ATP2B2: variants seen among roughly 807,000 people sequenced by gnomAD.
ATP2B2 encodes the protein ATPase plasma membrane Ca2+ transporting 2.
ATP2B2 carries 15 observed loss-of-function variants against 120.0 expected under a neutral mutation model. The ratio of observed to expected loss-of-function variants is 0.12; its 90% CI spans 0.08 to 0.19. The LOEUF is 0.19. Ranked by LOEUF, ATP2B2 falls within the 10% of genes least tolerant of loss-of-function variation. The probability of loss-of-function intolerance (pLI) is 1.00; values close to 1 mark genes in which losing one functional copy is unlikely to be tolerated. For synonymous variants in ATP2B2, 694 were observed against 700.3 expected, an observed-to-expected ratio of 0.99 and a Z score of 0.14; for missense variants, 1,045 against 1,719.8, an observed-to-expected ratio of 0.61 and a Z score of 6.94.
chr3:10,428,734 T>G (rs1291902659), intron 2 of ATP2B2, among the ~76,000 whole-genome samples: 1 of 152,192 alleles, frequency 6.6e-6, no homozygotes, highest in Non-Finnish European at 1.5e-5. Context: ...GACAGAGCAC[T>G]GTGTGAGGAG....
intron 1 of ATP2B2, among the ~76,000 whole-genome samples, chr3:10,683,760 GTA>G (rs71055831): frequency 0.052 from 2,782 of 53,446 alleles, 61 homozygotes; most frequent in East Asian, 0.093. Flanking sequence ...GTGTGTGTGT[GTA>G]TATATATATA....
chr3:10,646,127 T>C (rs1013716618), intron 1 of ATP2B2, among the ~76,000 whole-genome samples: 3 of 152,198 alleles, frequency 2.0e-5, no homozygotes, highest in African/African-American at 7.2e-5. Flanking sequence ...TTCTGGCCGA[T>C]ATCAATGTTT....
At position 10,361,586 on chromosome 3, in the gene ATP2B2, T is replaced by A. The variant is rs538501358; in HGVS notation, c.1660-1463A>T. Reference sequence around the variant, plus strand: ...GGAGACTCCCAGAACACCAGCTGCATCTCCCCAGCACCTGTCACTTCCTCA... The same window carrying A: ...GGAGACTCCCAGAACACCAGCTGCAACTCCCCAGCACCTGTCACTTCCTCA... On this transcript the variant is annotated intron_variant, in intron 12 of 22. Coordinates refer to ENST00000360273, the MANE Select transcript of ATP2B2 (RefSeq NM_001001331.4). 3.3e-5 allele frequency among the ~76,000 whole-genome samples: 5 copies of A among 152,300 alleles called. 1 individual carries two copies. The highest frequency in any genetic ancestry group is 1.2e-4 in the African/African-American group (5 of 41,570).
intron 1 of ATP2B2, among the ~76,000 whole-genome samples, chr3:10,486,630 C>A (rs1434619148): frequency 6.6e-6 from 1 of 152,138 alleles, no homozygotes; most frequent in Non-Finnish European, 1.5e-5. Context: ...TAGCAAGGTC[C>A]TCCCTGACCA....
intron 1 of ATP2B2, among the ~76,000 whole-genome samples, chr3:10,493,854 AC>A (rs1339120733): frequency 6.6e-6 from 1 of 152,046 alleles, no homozygotes; most frequent in African/African-American, 2.4e-5. Flanking sequence ...GAAGGGGGAG[AC>A]CCTTAGGTGG....
intron 1 of ATP2B2, among the ~76,000 whole-genome samples, chr3:10,476,457 A>G (rs1575348047): frequency 6.6e-6 from 1 of 152,378 alleles, no homozygotes; most frequent in South Asian, 2.1e-4. Context: ...CCCAGAAAGC[A>G]TGGGAACAAC....
chr3:10,701,094 T>G (rs1000750413), intron 1 of ATP2B2, among the ~76,000 whole-genome samples: 1 of 151,998 alleles, frequency 6.6e-6, no homozygotes, highest in Non-Finnish European at 1.5e-5. Context: ...ATTAGTACAC[T>G]AAAAAGAAGA....
intron 1 of ATP2B2, among the ~76,000 whole-genome samples, chr3:10,451,151 T>A (rs577221598): frequency 2.0e-4 from 30 of 152,306 alleles, no homozygotes; most frequent in African/African-American, 6.7e-4. Flanking sequence ...AAAGCACTCT[T>A]CCAGAGCCGC....
chr3:10,396,851 A>AG (rs1005905960), intron 5 of ATP2B2, among the ~76,000 whole-genome samples: 1 of 149,822 alleles, frequency 6.7e-6, no homozygotes, highest in Non-Finnish European at 1.5e-5. Context: ...ATAATCAGAA[A>AG]GGGGGGGAAG....
intron 2 of ATP2B2, among the ~76,000 whole-genome samples, chr3:10,577,902 C>T (rs893700668): frequency 2.0e-5 from 3 of 152,198 alleles, no homozygotes; most frequent in Admixed American, 1.3e-4. Context: ...CCATCCACTT[C>T]CTGTGCAGAA....
At chr3:10,436,983 G>T (rs1460947372) in intron 2 of ATP2B2, among the ~76,000 whole-genome samples, 4 of 152,164 alleles carry the variant, frequency 2.6e-5, no homozygotes, top group Non-Finnish European at 5.9e-5. Context: ...ACGTGGCTTT[G>T]CATTCTCTGT....
chr3:10,376,904 C>T (rs2061396467), intron 10 of ATP2B2, among the ~76,000 whole-genome samples: 1 of 152,118 alleles, frequency 6.6e-6, no homozygotes, highest in South Asian at 2.1e-4. Flanking sequence ...TCGGGAGAGG[C>T]TGGGAGTTCT....
intron 3 of ATP2B2, among the ~76,000 whole-genome samples, chr3:10,524,078 C>T (rs865995389): frequency 2.6e-5 from 4 of 152,152 alleles, no homozygotes; most frequent in South Asian, 2.1e-4. Context: ...TGGCTGGAGG[C>T]GGATGAGGCC....
At chr3:10,369,030 C>A (rs2061150667) in intron 12 of ATP2B2, among the ~76,000 whole-genome samples, 2 of 152,332 alleles carry the variant, frequency 1.3e-5, no homozygotes, top group Admixed American at 6.5e-5. Flanking sequence ...CACAGAGGAA[C>A]TGGCCTCCTT....
chr3:10,481,790 G>C (rs2065424727), intron 1 of ATP2B2, among the ~76,000 whole-genome samples: 1 of 152,190 alleles, frequency 6.6e-6, no homozygotes. Flanking sequence ...CTGACCTCAG[G>C]TGATCCTCCC....
chr3:10,606,075 A>T (rs2069056954), intron 2 of ATP2B2, among the ~76,000 whole-genome samples: 1 of 152,046 alleles, frequency 6.6e-6, no homozygotes, highest in Admixed American at 6.5e-5. Context: ...CTACGATTGT[A>T]CCACCGCACT....
intron 12 of ATP2B2, among the ~76,000 whole-genome samples, chr3:10,369,360 T>C (rs1005878548): frequency 1.3e-5 from 2 of 152,158 alleles, no homozygotes; most frequent in Non-Finnish European, 2.9e-5. Flanking sequence ...GAATCTCACC[T>C]TCTGGACCCC....
chr3:10,507,362 G>A (rs917533945), upstream of ATP2B2, among the ~76,000 whole-genome samples: 2 of 152,066 alleles, frequency 1.3e-5, no homozygotes, highest in African/African-American at 4.8e-5. Flanking sequence ...GATTCCACTG[G>A]CCACCCCTCT....
chr3:10,587,662 G>T (rs565053547), intron 2 of ATP2B2, among the ~76,000 whole-genome samples: 1 of 152,324 alleles, frequency 6.6e-6, no homozygotes, highest in East Asian at 1.9e-4. Flanking sequence ...TTACAGGCAT[G>T]AGCCACCGCG....
Sources: gnomAD v4.1 joint callset for allele counts (sites outside exome capture counted in the v4.1 genomes callset) on GRCh38, gnomAD v4.1.1 for gene constraint, MANE v1.5 for transcripts, NCBI Gene and HGNC (gene_info 2026-07-23, HGNC 2026-07-21) for gene names.